The following GRIN3A variants were observed in gnomAD, a reference collection of about 807,000 sequenced individuals.
GRIN3A encodes the protein glutamate receptor ionotropic, NMDA 3A.
In GRIN3A, 47 loss-of-function variants were observed where a neutral mutation model predicts 92.4. The observed-to-expected ratio is 0.51, with a 90% confidence interval of 0.40 to 0.65. GRIN3A has a LOEUF of 0.65. Among genes scored for constraint, GRIN3A ranks in the 30% least tolerant of loss-of-function variants. The pLI, the probability that GRIN3A is intolerant of heterozygous loss-of-function variation, is 0.00. For missense variants in GRIN3A, 1,324 were observed against 1,393.1 expected, an observed-to-expected ratio of 0.95 and a Z score of 0.79; for synonymous variants, 527 against 540.6, an observed-to-expected ratio of 0.97 and a Z score of 0.35.
intron 3 of GRIN3A, among the ~76,000 whole-genome samples, chr9:101,638,984 G>T (rs183063389): frequency 6.6e-6 from 1 of 152,256 alleles, no homozygotes; most frequent in Admixed American, 6.5e-5. Flanking sequence ...TGGTTTATGC[G>T]CTTGGCCCTC....
chr9:101,634,198 T>C (rs576137586), intron 3 of GRIN3A, among the ~76,000 whole-genome samples: 2 of 151,860 alleles, frequency 1.3e-5, no homozygotes, highest in South Asian at 4.2e-4. Context: ...TTGGGAATGG[T>C]GGCGGGTGCC....
Position 101,572,914 on chromosome 9 carries a change from GT to G in GRIN3A, c.*259del. 1 of 491,762 alleles carries G rather than the reference GT, an allele frequency of 2.0e-6. No homozygotes were observed. Among genetic ancestry groups the G allele is most frequent in the Admixed American group, 3.2e-5 (1 of 30,812 alleles). 30.5% of individuals were successfully genotyped at this position (491,762 alleles called of 1,614,324 possible). The stretch of plus-strand genomic sequence containing the variant: ...GGTTAACGGCAGCTGGGGTTATCTG[GT>G]TATTCACAGATCTCTCGCACAGAGC... On this transcript the variant is annotated 3_prime_UTR_variant, in exon 9 of 9. Coordinates refer to ENST00000361820, the MANE Select transcript of GRIN3A (RefSeq NM_133445.3).
rs781676687 is a variant in GRIN3A at position 101,640,115 on chromosome 9, G to A, written c.2353-11714C>T. On this transcript the variant is annotated intron_variant, in intron 3 of 8. Coordinates refer to ENST00000361820, the MANE Select transcript of GRIN3A (RefSeq NM_133445.3). ...ATAGTGGATGCCTCCCTTCTCCCCC[G>A]CCTCCTTCAGTATACATATACCATA... 9.5e-4 allele frequency among the ~76,000 whole-genome samples: 144 copies of A among 152,092 alleles called. 2 individuals carry two copies. Among genetic ancestry groups the A allele is most frequent in the African/African-American group, 3.2e-3 (133 of 41,488 alleles).
At chr9:101,722,183 G>T (rs929480217) in intron 1 of GRIN3A, among the ~76,000 whole-genome samples, 1 of 152,254 alleles carries the variant, frequency 6.6e-6, no homozygotes, top group African/African-American at 2.4e-5. Flanking sequence ...TCAGGCTGTG[G>T]CTTCAGAGGG....
chr9:101,619,966 G>A (rs1334323626), intron 5 of GRIN3A, among the ~76,000 whole-genome samples: 1 of 152,136 alleles, frequency 6.6e-6, no homozygotes, highest in Non-Finnish European at 1.5e-5. Context: ...GGTTTGCTTT[G>A]CTATATACTG....
intron 3 of GRIN3A, among the ~76,000 whole-genome samples, chr9:101,666,233 C>G (rs1342874208): frequency 6.6e-6 from 1 of 151,992 alleles, no homozygotes; most frequent in Non-Finnish European, 1.5e-5. Context: ...AGTATGGCCT[C>G]CCTCTGCCAG....
chr9:101,655,421 A>G (rs967760571), intron 3 of GRIN3A, among the ~76,000 whole-genome samples: 2 of 151,972 alleles, frequency 1.3e-5, no homozygotes, highest in Non-Finnish European at 2.9e-5. Context: ...CTAGATGTGC[A>G]TTGAACAGTA....
intron 3 of GRIN3A, among the ~76,000 whole-genome samples, chr9:101,629,709 A>G (rs1828687506): frequency 6.6e-6 from 1 of 152,244 alleles, no homozygotes; most frequent in Admixed American, 6.5e-5. Context: ...TTATGCGCCA[A>G]ACAAGATACT....
chr9:101,686,745 A>G lies in GRIN3A; in HGVS notation c.1155T>C (p.Phe385=). Residue 385 remains phenylalanine (F), a synonymous_variant, in exon 2 of 9, where the codon TTT becomes TTC. Coordinates refer to ENST00000361820, the MANE Select transcript of GRIN3A (RefSeq NM_133445.3). Reference sequence around the variant, plus strand: ...CCATAGCATCTTGTACGTAGTGCTCAAAGACAGACTGTGTTGTTTTTCCAT... The same window carrying G: ...CCATAGCATCTTGTACGTAGTGCTCGAAGACAGACTGTGTTGTTTTTCCAT... ...IAHGKTTQSV[F]EHYVQDAMEL... is the part of the protein sequence containing the mutation. 5 of 1,614,198 alleles carry G rather than the reference A, an allele frequency of 3.1e-6. No individual in the cohort carries two copies. The highest frequency in any genetic ancestry group is 4.2e-6 in the Non-Finnish European group (5 of 1,180,026).
At chr9:101,643,924 A>G (rs1426975837) in intron 3 of GRIN3A, among the ~76,000 whole-genome samples, 1 of 151,814 alleles carries the variant, frequency 6.6e-6, no homozygotes, top group African/African-American at 2.4e-5. Context: ...TTCATCAGTT[A>G]TAAGATGAAT....
chr9:101,645,316 T>C (rs1284029987), intron 3 of GRIN3A, among the ~76,000 whole-genome samples: 3 of 151,792 alleles, frequency 2.0e-5, no homozygotes, highest in Admixed American at 6.6e-5. Flanking sequence ...TCAGTTTTGC[T>C]GCGAATGACA....
At position 101,573,685 on chromosome 9, in the gene GRIN3A, T is replaced by A. The variant is rs1232082515; in HGVS notation, c.3009-172A>T. Among the ~76,000 whole-genome samples, 3 of 150,550 alleles carry A rather than the reference T, an allele frequency of 2.0e-5. No homozygotes were observed. The South Asian group carries it at 6.3e-4, about 32-fold the overall frequency. ...TAGGGTGTCATGGGGCAATAAAGAG[T>A]CATGAACATACAAAAGTTCAAGTCC... On this transcript the variant is annotated intron_variant, in intron 8 of 8. Transcript: ENST00000361820.
At chr9:101,733,063 C>A (rs1159124503) in intron 1 of GRIN3A, among the ~76,000 whole-genome samples, 1 of 152,132 alleles carries the variant, frequency 6.6e-6, no homozygotes, top group Non-Finnish European at 1.5e-5. Flanking sequence ...TCTAATGGTA[C>A]AAAATCCATG....
At chr9:101,727,272 G>A (rs1344738018) in intron 1 of GRIN3A, among the ~76,000 whole-genome samples, 4 of 152,156 alleles carry the variant, frequency 2.6e-5, no homozygotes, top group African/African-American at 9.7e-5. Flanking sequence ...TATAATGTAT[G>A]AATATGTTAG....
Position 101,573,119 on chromosome 9 carries a change from G to A in GRIN3A, c.*55C>T, listed in dbSNP as rs1827781703. 10 of 1,414,540 alleles carry A rather than the reference G, an allele frequency of 7.1e-6. No individual in the cohort carries two copies. Among genetic ancestry groups the A allele is most frequent in the Non-Finnish European group, 9.0e-6 (9 of 998,576 alleles). The allele number at this position is 1,414,540 out of a possible 1,614,324, so 87.6% of individuals were successfully genotyped here. A position where few individuals can be genotyped will look rare whatever the true frequency, so the allele number is the denominator to read the frequency against. On this transcript the variant is annotated 3_prime_UTR_variant, in exon 9 of 9. Transcript: ENST00000361820. ...TAGTTACAAAAGAGCATTACAAAGT[G>A]TCTCAAGGGCTCAGAGGAAGGTCAG...
chr9:101,722,294 G>T (rs1357987352), intron 1 of GRIN3A, among the ~76,000 whole-genome samples: 1 of 152,226 alleles, frequency 6.6e-6, no homozygotes, highest in Non-Finnish European at 1.5e-5. Flanking sequence ...AATTTCAGAA[G>T]ATGTATAGTA....
intron 2 of GRIN3A, among the ~76,000 whole-genome samples, chr9:101,685,063 G>A (rs1192417056): frequency 6.6e-6 from 1 of 152,006 alleles, no homozygotes; most frequent in South Asian, 2.1e-4. Context: ...TGGGAAAAAG[G>A]GAAAGTTCAG....
At chr9:101,613,607 C>T in intron 5 of GRIN3A, 80 bp from the exon 6 acceptor site, 1 of 1,391,086 alleles carries the variant, frequency 7.2e-7, no homozygotes, top group Non-Finnish European at 1.0e-6. Context: ...TTGTGTGATA[C>T]TGCCATCAGA....
intron 6 of GRIN3A, among the ~76,000 whole-genome samples, chr9:101,584,484 T>C (rs1827926007): frequency 6.6e-6 from 1 of 152,268 alleles, no homozygotes; most frequent in African/African-American, 2.4e-5. Flanking sequence ...ATGCTTTATG[T>C]TATGCAGAAA....
Sources: allele counts gnomAD v4.1 joint callset (sites outside exome capture counted in the v4.1 genomes callset), GRCh38; gene constraint gnomAD v4.1.1; transcripts MANE v1.5; gene names NCBI Gene and HGNC (gene_info 2026-07-23, HGNC 2026-07-21).